ZBTB41: variants seen among roughly 807,000 people sequenced by gnomAD.
ZBTB41 encodes the protein zinc finger and BTB domain containing 41, also known as zinc finger and BTB domain-containing protein 41.
ZBTB41 carries 42 observed loss-of-function variants against 87.6 expected under a neutral mutation model. The ratio of observed to expected loss-of-function variants is 0.48; its 90% CI spans 0.37 to 0.62. The LOEUF is 0.62. Among genes scored for constraint, ZBTB41 ranks in the 20% least tolerant of loss-of-function variants. The pLI, the probability that ZBTB41 is intolerant of heterozygous loss-of-function variation, is 0.00. For synonymous variants in ZBTB41, 364 were observed against 364.0 expected, an observed-to-expected ratio of 1.00 and a Z score of 0.00; for missense variants, 799 against 1,078.9, an observed-to-expected ratio of 0.74 and a Z score of 3.63.
chr1:197,160,735 C>T (rs1388629777), intron 10 of ZBTB41, among the ~76,000 whole-genome samples: 1 of 152,076 alleles, frequency 6.6e-6, no homozygotes, highest in Non-Finnish European at 1.5e-5. Context: ...ACACTCTAGT[C>T]CCAGGAAGCT....
chr1:197,180,013 G>A (rs1056024709), intron 6 of ZBTB41, among the ~76,000 whole-genome samples: 7 of 151,878 alleles, frequency 4.6e-5, no homozygotes, highest in South Asian at 4.1e-4. Flanking sequence ...TAATGTCCGC[G>A]GCCTTCACAT....
At chr1:197,166,167 G>A (rs537348951) in intron 10 of ZBTB41, among the ~76,000 whole-genome samples, 10 of 152,132 alleles carry the variant, frequency 6.6e-5, no homozygotes, top group African/African-American at 2.4e-4. Context: ...TTCTGCACAT[G>A]TATCCCAGAA....
In ZBTB41 at chr1:197,186,895, A is replaced by G. The variant is rs139505465; in HGVS notation, c.1546+1397T>C. ...ACAAACAAAAAAACAAAAAAACCAA[A>G]AAAAATTGGGCCAAAGACTGAACAG... On this transcript the variant is annotated intron_variant, in intron 5 of 10. Coordinates refer to ENST00000367405, the MANE Select transcript of ZBTB41 (RefSeq NM_194314.3). Among the ~76,000 whole-genome samples the G allele has an allele frequency of 6.4e-3, 972 of 152,030 alleles. 12 individuals carry two copies. Among genetic ancestry groups the G allele is most frequent in the African/African-American group, 0.023 (934 of 41,504 alleles).
intron 5 of ZBTB41, among the ~76,000 whole-genome samples, chr1:197,183,901 G>A (rs1244310229): frequency 6.6e-6 from 1 of 152,102 alleles, no homozygotes; most frequent in African/African-American, 2.4e-5. Context: ...CTCTTCACCA[G>A]CTCTAACAGT....
At position 197,154,553 on chromosome 1, in the gene ZBTB41, C is replaced by G. The variant is rs1659022416; in HGVS notation, c.*4806G>C. On this transcript the variant is annotated 3_prime_UTR_variant, in exon 11 of 11. Transcript: ENST00000367405. ...TTCTCATCTTCCACACATCTTAATCCTATTACATCTATCTTATTAATGCTA... is the reference window on the plus strand; with the variant it reads ...TTCTCATCTTCCACACATCTTAATCGTATTACATCTATCTTATTAATGCTA... The G allele has an allele frequency of 6.6e-6, 1 of 152,014 alleles. No homozygotes were observed. Among genetic ancestry groups the G allele is most frequent in the African/African-American group, 2.4e-5 (1 of 41,420 alleles). 9.4% of individuals were successfully genotyped at this position (152,014 alleles called of 1,614,324 possible).
intron 10 of ZBTB41, 98 bp from the exon 11 acceptor site, chr1:197,160,112 G>C (rs1050252494): frequency 3.4e-6 from 3 of 881,742 alleles, no homozygotes; most frequent in Admixed American, 2.6e-5. Context: ...ATACTTGCCA[G>C]AACTTGATAA....
Position 197,154,153 on chromosome 1 carries a change from A to T in ZBTB41, c.*5206T>A, listed in dbSNP as rs1430213437. Reference sequence around the variant, plus strand: ...GGAATAAAAATTTTGTAATTACATCACAGTACATTGTCCAGCTTTAATGCA... The same window carrying T: ...GGAATAAAAATTTTGTAATTACATCTCAGTACATTGTCCAGCTTTAATGCA... On this transcript the variant is annotated 3_prime_UTR_variant, in exon 11 of 11. Transcript: ENST00000367405. 22 of 152,596 alleles carry T rather than the reference A, an allele frequency of 1.4e-4. 1 individual carries two copies. The highest frequency in any genetic ancestry group is 9.2e-4 in the Admixed American group (14 of 15,284). 9.5% of individuals were successfully genotyped at this position (152,596 alleles called of 1,614,324 possible). A position where few individuals can be genotyped will look rare whatever the true frequency, so the allele number is the denominator to read the frequency against.
In ZBTB41 at chr1:197,164,774, A is replaced by AATATATT. The variant is rs1553229960; in HGVS notation, c.2075-4767_2075-4761dup. 4.3e-3 allele frequency among the ~76,000 whole-genome samples: 160 copies of AATATATT among 37,046 alleles called. 21 individuals carry two copies. The highest frequency in any genetic ancestry group is 7.2e-3 in the Non-Finnish European group (130 of 18,142). The allele number at this position is 37,046 out of a possible 152,430, so 24.3% of individuals were successfully genotyped here. On this transcript the variant is annotated intron_variant, in intron 10 of 10. Transcript: ENST00000367405. The stretch of plus-strand genomic sequence containing the variant: ...TATATATTATATATAATACATATCT[A>AATATATT]ATATATTATATATAATACATATATA...
rs1659161525 is a variant in ZBTB41 at position 197,160,020 on chromosome 1, T to C, written c.2075-6A>G. 10 of 1,601,698 alleles carry C rather than the reference T, an allele frequency of 6.2e-6. No individual in the cohort carries two copies. The highest frequency in any genetic ancestry group is 6.8e-6 in the Non-Finnish European group (8 of 1,171,616). On this transcript the variant is annotated splice_region_variant and splice_polypyrimidine_tract_variant and intron_variant, in intron 10 of 10. Coordinates refer to ENST00000367405, the MANE Select transcript of ZBTB41 (RefSeq NM_194314.3). ...ACACTTGTATGGTTTTTCACCTATA[T>C]GAATGAACAAGAATATAATTAGATG...
intron 5 of ZBTB41, among the ~76,000 whole-genome samples, chr1:197,183,566 G>A (rs1002793546): frequency 6.6e-6 from 1 of 152,022 alleles, no homozygotes; most frequent in African/African-American, 2.4e-5. Flanking sequence ...AATATTTGTG[G>A]GTGTACAGTA....
At position 197,201,108 on chromosome 1, in the gene ZBTB41, AG is replaced by A. The variant is rs1431767052; in HGVS notation, c.-118+114del. The stretch of plus-strand genomic sequence containing the variant: ...TGGGGTCAACCAGAGGGACGACTAA[AG>A]GAAGCAGAAGAGCTTTCCCAGGCCC... On this transcript the variant is annotated intron_variant, in intron 1 of 10. Coordinates refer to ENST00000367405, the MANE Select transcript of ZBTB41 (RefSeq NM_194314.3). Among the ~76,000 whole-genome samples the A allele has an allele frequency of 4.6e-5, 7 of 152,352 alleles. No individual in the cohort carries two copies. The East Asian group carries it at 7.7e-4, about 17-fold the overall frequency.
At chr1:197,169,833 G>A (rs1293269768) in intron 10 of ZBTB41, among the ~76,000 whole-genome samples, 2 of 151,928 alleles carry the variant, frequency 1.3e-5, no homozygotes, top group Non-Finnish European at 2.9e-5. Context: ...AACTGTTAAA[G>A]AATAGATGTA....
chr1:197,194,674 C>T (rs1660118829), intron 2 of ZBTB41, among the ~76,000 whole-genome samples: 1 of 147,970 alleles, frequency 6.8e-6, no homozygotes, highest in South Asian at 2.1e-4. Context: ...ACTGAAATAG[C>T]CAAATTTAGA....
chr1:197,192,895 A>T (rs1203391350), intron 2 of ZBTB41, among the ~76,000 whole-genome samples: 1 of 152,136 alleles, frequency 6.6e-6, no homozygotes, highest in East Asian at 1.9e-4. Context: ...GTAAATATAT[A>T]TACAACTGAT....
Position 197,158,979 on chromosome 1 carries a change from A to C in ZBTB41, c.*380T>G, listed in dbSNP as rs1192590265. ...CTTCTTAAAGGCTACATGGTCCTCA[A>C]ACTTGTTTGTAAGAAGGGCTAGGAA... On this transcript the variant is annotated 3_prime_UTR_variant, in exon 11 of 11. Coordinates refer to ENST00000367405, the MANE Select transcript of ZBTB41 (RefSeq NM_194314.3). 3 of 192,750 alleles carry C rather than the reference A, an allele frequency of 1.6e-5. No homozygotes were observed. Among genetic ancestry groups the C allele is most frequent in the African/African-American group, 7.2e-5 (3 of 41,952 alleles). The allele number at this position is 192,750 out of a possible 1,614,324, so 11.9% of individuals were successfully genotyped here. A position where few individuals can be genotyped will look rare whatever the true frequency, so the allele number is the denominator to read the frequency against.
rs1659063261 is a variant in ZBTB41 at position 197,156,228 on chromosome 1, T to G, written c.*3131A>C. 2 of 152,146 alleles carry G rather than the reference T, an allele frequency of 1.3e-5. No homozygotes were observed. Among genetic ancestry groups the G allele is most frequent in the African/African-American group, 4.8e-5 (2 of 41,492 alleles). 9.4% of individuals were successfully genotyped at this position (152,146 alleles called of 1,614,324 possible). On this transcript the variant is annotated 3_prime_UTR_variant, in exon 11 of 11. Coordinates refer to ENST00000367405, the MANE Select transcript of ZBTB41 (RefSeq NM_194314.3). ...ACTTTTTTTTTTTAAAAAAATCCAT[T>G]ATTCTAGGACTTCAACTGTGCTTCT...
chr1:197,157,529 T>C lies in ZBTB41; in HGVS notation c.*1830A>G, dbSNP rs2125120650. 6.6e-6 allele frequency: 1 copy of C among 152,212 alleles called. No individual in the cohort carries two copies. The highest frequency in any genetic ancestry group is 1.9e-4 in the East Asian group (1 of 5,170). 9.4% of individuals were successfully genotyped at this position (152,212 alleles called of 1,614,324 possible). ...ACTAACAGACTAACAGTACCTCATATAGTCAACCTCAATCATGTAAGTACC... is the reference window on the plus strand; with the variant it reads ...ACTAACAGACTAACAGTACCTCATACAGTCAACCTCAATCATGTAAGTACC... On this transcript the variant is annotated 3_prime_UTR_variant, in exon 11 of 11. Transcript: ENST00000367405.
At chr1:197,172,484 G>T (rs575712177) in intron 9 of ZBTB41, among the ~76,000 whole-genome samples, 5 of 151,972 alleles carry the variant, frequency 3.3e-5, no homozygotes, top group South Asian at 2.1e-4. Context: ...TCCAACAAAC[G>T]AATCTATAAA....
intron 9 of ZBTB41, among the ~76,000 whole-genome samples, chr1:197,173,558 C>G (rs1460354279): frequency 6.6e-6 from 1 of 152,082 alleles, no homozygotes; most frequent in Non-Finnish European, 1.5e-5. Flanking sequence ...GTACATGCCA[C>G]CACACCCAGA....
Sources: gnomAD v4.1 joint callset for allele counts (sites outside exome capture counted in the v4.1 genomes callset) on GRCh38, gnomAD v4.1.1 for gene constraint, MANE v1.5 for transcripts, NCBI Gene and HGNC (gene_info 2026-07-23, HGNC 2026-07-21) for gene names.